The following SLC44A1 variants were observed in gnomAD, a reference collection of about 807,000 sequenced individuals.
SLC44A1 encodes the protein solute carrier family 44 member 1.
A neutral mutation model predicts 79.3 loss-of-function variants in SLC44A1; 26 were observed. The ratio of observed to expected loss-of-function variants is 0.33; its 90% CI spans 0.24 to 0.46. The LOEUF (loss-of-function observed/expected upper bound fraction) is 0.46. Among genes scored for constraint, SLC44A1 ranks in the 20% least tolerant of loss-of-function variants. The probability of loss-of-function intolerance (pLI) is 1.00; values close to 1 mark genes in which losing one functional copy is unlikely to be tolerated. For synonymous variants in SLC44A1, 263 were observed against 286.2 expected (o/e 0.92, Z 0.82); for missense variants, 688 against 798.1 (o/e 0.86, Z 1.66).
intron 1 of SLC44A1, among the ~76,000 whole-genome samples, chr9:105,272,198 A>G (rs1830094260): frequency 6.6e-6 from 1 of 152,236 alleles, no homozygotes; most frequent in East Asian, 1.9e-4. Context: ...CAAAAGGAGA[A>G]AATACATAAC....
At chr9:105,253,786 A>G (rs1829641488) in intron 1 of SLC44A1, among the ~76,000 whole-genome samples, 1 of 152,068 alleles carries the variant, frequency 6.6e-6, no homozygotes, top group South Asian at 2.1e-4. Context: ...GTGCAGTGAC[A>G]CAATCTCAGC....
chr9:105,405,011 C>T (rs1310939944), intron 15 of SLC44A1, among the ~76,000 whole-genome samples: 1 of 152,152 alleles, frequency 6.6e-6, no homozygotes, highest in Admixed American at 6.5e-5. Context: ...AGTCTCCACG[C>T]TAGTTTTATG....
At chr9:105,347,331 G>A (rs569855523) in intron 4 of SLC44A1, among the ~76,000 whole-genome samples, 5 of 152,018 alleles carry the variant, frequency 3.3e-5, no homozygotes, top group East Asian at 3.9e-4. Flanking sequence ...AATCTGGTAC[G>A]AACCTCAGTT....
intron 1 of SLC44A1, 120 bp from the exon 2 acceptor site, chr9:105,299,100 A>G: frequency 1.5e-6 from 1 of 677,778 alleles, no homozygotes; most frequent in Non-Finnish European, 2.5e-6. Context: ...TTGTGTCTTA[A>G]AGGTTCAATA....
At chr9:105,294,539 A>C (rs1250691576) in intron 1 of SLC44A1, 2 of 151,872 alleles carry the variant, frequency 1.3e-5, no homozygotes, top group African/African-American at 2.4e-5. Context: ...AGACTACTGT[A>C]ATCTTTGTTT....
chr9:105,251,420 C>G (rs1218370644), intron 1 of SLC44A1, among the ~76,000 whole-genome samples: 1 of 152,148 alleles, frequency 6.6e-6, no homozygotes, highest in Admixed American at 6.6e-5. Flanking sequence ...CAGATCTCTC[C>G]GTAACTGTTC....
chr9:105,282,634 C>T (rs756377195), intron 1 of SLC44A1, among the ~76,000 whole-genome samples: 7 of 152,012 alleles, frequency 4.6e-5, no homozygotes, highest in Non-Finnish European at 1.0e-4. Context: ...CTGCAACCAC[C>T]GCCTCCTGGG....
intron 10 of SLC44A1, among the ~76,000 whole-genome samples, chr9:105,365,225 A>G (rs1827902841): frequency 6.6e-6 from 1 of 152,238 alleles, no homozygotes. Context: ...AAAAGCTTTC[A>G]GAGCACAGTT....
At chr9:105,305,695 A>G (rs896974097) in intron 2 of SLC44A1, among the ~76,000 whole-genome samples, 3 of 152,106 alleles carry the variant, frequency 2.0e-5, no homozygotes, top group Non-Finnish European at 4.4e-5. Flanking sequence ...ACATTTTGCC[A>G]TACTCATACA....
At chr9:105,287,093 A>C (rs1240453895) in intron 1 of SLC44A1, among the ~76,000 whole-genome samples, 1 of 152,220 alleles carries the variant, frequency 6.6e-6, no homozygotes, top group Non-Finnish European at 1.5e-5. Flanking sequence ...AGCTCCAAGC[A>C]CCCTTCCTTT....
At chr9:105,335,906 G>A (rs147990197) in intron 4 of SLC44A1, among the ~76,000 whole-genome samples, 211 of 152,290 alleles carry the variant, frequency 1.4e-3, no homozygotes, top group African/African-American at 4.9e-3. Flanking sequence ...TTCTGACTGA[G>A]TGGGTCTTTG....
chr9:105,421,467 C>A (rs12340242), intron 15 of SLC44A1, among the ~76,000 whole-genome samples: 6,359 of 152,084 alleles, frequency 0.042, 436 homozygotes, highest in African/African-American at 0.14. Context: ...TTAGAGCCAC[C>A]GTCATTAAAA....
At chr9:105,281,077 C>T (rs1830338858) in intron 1 of SLC44A1, among the ~76,000 whole-genome samples, 1 of 152,200 alleles carries the variant, frequency 6.6e-6, no homozygotes, top group Admixed American at 6.5e-5. Context: ...ATAAGATAGA[C>T]ATAACAGAGC....
At chr9:105,375,159 A>G (rs1245605140) in intron 13 of SLC44A1, among the ~76,000 whole-genome samples, 1 of 152,190 alleles carries the variant, frequency 6.6e-6, no homozygotes, top group Non-Finnish European at 1.5e-5. Context: ...CTCCCGCTTC[A>G]GCCTCCCGAG....
chr9:105,263,839 T>C (rs1161012104), intron 1 of SLC44A1, among the ~76,000 whole-genome samples: 1 of 152,090 alleles, frequency 6.6e-6, no homozygotes, highest in African/African-American at 2.4e-5. Context: ...GCCCAGCTCA[T>C]ATGTTTGTAT....
rs145337265 is a variant in SLC44A1, at chr9:105,294,197, C to T, written c.37-5023C>T. ...ATTGTTGTAGGAATATATTCACACA[C>T]TTATTTTTAAACATTAAAAAACCTT... On this transcript the variant is annotated intron_variant, in intron 1 of 15. Transcript: ENST00000374720. Among the ~76,000 whole-genome samples the T allele has an allele frequency of 5.3e-5, 8 of 152,318 alleles. No homozygotes were observed. The East Asian group carries it at 1.5e-3, about 29-fold the overall frequency.
At chr9:105,267,333 G>C (rs922346163) in intron 1 of SLC44A1, among the ~76,000 whole-genome samples, 1 of 152,046 alleles carries the variant, frequency 6.6e-6, no homozygotes, top group Non-Finnish European at 1.5e-5. Context: ...ATTTTTCAGC[G>C]ATGGGCCTTC....
chr9:105,385,857 G>GA (rs1218641103), intron 15 of SLC44A1: 2 of 985,244 alleles, frequency 2.0e-6, no homozygotes, highest in East Asian at 2.3e-4. Context: ...GTGTACACTT[G>GA]AACTGACGGT....
intron 14 of SLC44A1, 101 bp downstream of exon 14, chr9:105,383,460 A>C: frequency 1.4e-6 from 1 of 718,408 alleles, no homozygotes; most frequent in Non-Finnish European, 2.4e-6. Flanking sequence ...TATGCAACTG[A>C]GTAATTTAGA....
Sources: gnomAD v4.1 joint callset for allele counts (sites outside exome capture counted in the v4.1 genomes callset) on GRCh38, gnomAD v4.1.1 for gene constraint, MANE v1.5 for transcripts, NCBI Gene and HGNC (gene_info 2026-07-23, HGNC 2026-07-21) for gene names.